SS18: variants seen among roughly 807,000 people sequenced by gnomAD.
The protein encoded by SS18 is SS18 subunit of BAF chromatin remodeling complex.
In SS18, 28 loss-of-function variants were observed where a neutral mutation model predicts 72.5. The observed-to-expected ratio is 0.39, with a 90% confidence interval of 0.29 to 0.53. SS18 has a LOEUF of 0.53. SS18 is among the 20% of genes least tolerant of loss of function. The pLI is 0.76. For missense variants in SS18, 518 were observed against 535.3 expected (o/e 0.97, Z 0.32); for synonymous variants, 172 against 164.2 (o/e 1.05, Z -0.37).
Position 26,087,440 on chromosome 18 carries a change from A to G in SS18, c.146+61T>C, listed in dbSNP as rs1200456615. The G allele has an allele frequency of 1.2e-5, 11 of 909,494 alleles. No homozygotes were observed. The East Asian group carries it at 2.2e-4, about 18-fold the overall frequency. The allele number at this position is 909,494 out of a possible 1,614,324, so 56.3% of individuals were successfully genotyped here. A position where few individuals can be genotyped will look rare whatever the true frequency, so the allele number is the denominator to read the frequency against. ...TATATCTCAATAAAGCTGTTAGTAA[A>G]AAGTAAAAAATTAACCAATACAAAA... On this transcript the variant is annotated intron_variant, in intron 2 of 10. Coordinates refer to ENST00000415083, the MANE Select transcript of SS18 (RefSeq NM_001007559.3).
At chr18:26,070,039 A>AC (rs1336865775) in intron 3 of SS18, among the ~76,000 whole-genome samples, 1 of 152,158 alleles carries the variant, frequency 6.6e-6, no homozygotes, top group Non-Finnish European at 1.5e-5. Flanking sequence ...TTGAAAAATG[A>AC]CCTATTGGGT....
At chr18:26,064,890 A>G (rs1437670233) in intron 3 of SS18, 1 of 152,120 alleles carries the variant, frequency 6.6e-6, no homozygotes, top group African/African-American at 2.4e-5. Context: ...AACCATTAGA[A>G]TAAGTGAATA....
intron 3 of SS18, among the ~76,000 whole-genome samples, chr18:26,067,851 A>G (rs568905654): frequency 3.9e-5 from 6 of 152,116 alleles, no homozygotes; most frequent in Non-Finnish European, 8.8e-5. Context: ...GTAGAAGGCA[A>G]TTTTTCCACT....
intron 4 of SS18, among the ~76,000 whole-genome samples, chr18:26,054,831 C>G (rs1417823456): frequency 1.3e-5 from 2 of 151,520 alleles, no homozygotes; most frequent in Non-Finnish European, 2.9e-5. Context: ...ACCTCCACTT[C>G]CCGGGTTCAA....
chr18:26,066,237 T>C (rs1433630827), intron 3 of SS18, among the ~76,000 whole-genome samples: 1 of 152,090 alleles, frequency 6.6e-6, no homozygotes, highest in Non-Finnish European at 1.5e-5. Flanking sequence ...CCCCCAATCA[T>C]CTAGTAGCAA....
At chr18:26,069,766 C>A (rs1364961218) in intron 3 of SS18, among the ~76,000 whole-genome samples, 1 of 152,072 alleles carries the variant, frequency 6.6e-6, no homozygotes, top group Admixed American at 6.6e-5. Context: ...AAGTTTTTCT[C>A]AAAGAAACAT....
chr18:26,054,009 G>A (rs190057350), intron 4 of SS18, among the ~76,000 whole-genome samples: 73 of 152,192 alleles, frequency 4.8e-4, no homozygotes, highest in African/African-American at 1.7e-3. Context: ...TTCAAAATCC[G>A]TAAATGCTCA....
chr18:26,060,603 T>C lies in SS18; in HGVS notation c.232-2861A>G, dbSNP rs2054101442. Among the ~76,000 whole-genome samples the C allele has an allele frequency of 2.0e-5, 3 of 150,172 alleles. No individual in the cohort carries two copies. In the South Asian group the frequency reaches 6.4e-4, roughly 32 times the overall value. On this transcript the variant is annotated intron_variant, in intron 3 of 10. Transcript: ENST00000415083. Reference sequence around the variant, plus strand: ...GACAACCAAGAGAAATAACAGAAAATTTAAAAAGACACCTAAGTCATTCAG... The same window carrying C: ...GACAACCAAGAGAAATAACAGAAAACTTAAAAAGACACCTAAGTCATTCAG...
chr18:26,060,799 A>AAAAAAAAT (rs2054108070), intron 3 of SS18, among the ~76,000 whole-genome samples: 1 of 135,748 alleles, frequency 7.4e-6, no homozygotes, highest in Non-Finnish European at 1.6e-5. Context: ...AAAAAAAAAA[A>AAAAAAAAT]AAAAAAATCA....
rs1350441572 is a variant in SS18 at position 26,035,612 on chromosome 18, A to G, written c.973+219T>C. 4 of 389,764 alleles carry G rather than the reference A, an allele frequency of 1.0e-5. No individual in the cohort carries two copies. The highest frequency in any genetic ancestry group is 1.8e-5 in the Non-Finnish European group (4 of 219,550). The allele number at this position is 389,764 out of a possible 1,614,324, so 24.1% of individuals were successfully genotyped here. ...AGGAAAAAATTATCTTTAATGTTTT[A>G]GTCTTTTTATTATTGTTAGAAATGG... On this transcript the variant is annotated intron_variant, in intron 8 of 10. Transcript: ENST00000415083. The surrounding 1 kb of genome is among the most constrained non-coding windows in gnomAD (Gnocchi z 4.4).
intron 2 of SS18, among the ~76,000 whole-genome samples, chr18:26,086,490 T>C (rs752776213): frequency 6.6e-6 from 1 of 152,234 alleles, no homozygotes; most frequent in Non-Finnish European, 1.5e-5. Flanking sequence ...TTGGAAATAA[T>C]AGGTTAAATA....
intron 3 of SS18, among the ~76,000 whole-genome samples, chr18:26,062,560 T>C (rs2054142585): frequency 6.6e-6 from 1 of 152,170 alleles, no homozygotes; most frequent in Non-Finnish European, 1.5e-5. Context: ...ATGTTCTACA[T>C]TAAATGTAAA....
At chr18:26,029,292 T>C (rs1045158482) in intron 10 of SS18, among the ~76,000 whole-genome samples, 5 of 152,194 alleles carry the variant, frequency 3.3e-5, no homozygotes, top group Admixed American at 6.5e-5. Context: ...GTATATCATA[T>C]GGCTTTTACT....
At chr18:26,042,031 C>T (rs996720004) in intron 5 of SS18, among the ~76,000 whole-genome samples, 17 of 152,004 alleles carry the variant, frequency 1.1e-4, no homozygotes, top group African/African-American at 3.9e-4. Context: ...TAATTTTCCT[C>T]GAAGCCTTAT....
intron 9 of SS18, 29 bp from the exon 10 acceptor site, chr18:26,032,561 A>T (rs969525809): frequency 6.2e-7 from 1 of 1,610,286 alleles, no homozygotes; most frequent in Non-Finnish European, 8.5e-7. Context: ...ACAAAAACCC[A>T]CATAAAAAGG....
chr18:26,019,985 AT>A (rs1186639664), intron 10 of SS18, among the ~76,000 whole-genome samples: 1 of 152,124 alleles, frequency 6.6e-6, no homozygotes, highest in Non-Finnish European at 1.5e-5. Context: ...CATTGGCAAA[AT>A]GTTGATAAAC....
At chr18:26,033,744 C>T (rs1004520888) in intron 9 of SS18, among the ~76,000 whole-genome samples, 3 of 151,844 alleles carry the variant, frequency 2.0e-5, no homozygotes, top group Non-Finnish European at 4.4e-5. Flanking sequence ...TATGGATAAA[C>T]AAAATAGAAA....
intron 2 of SS18, among the ~76,000 whole-genome samples, chr18:26,080,685 C>T (rs1465483252): frequency 6.6e-6 from 1 of 152,178 alleles, no homozygotes; most frequent in East Asian, 1.9e-4. Context: ...TTTAAACTTA[C>T]AGAAAAGTTT....
chr18:26,066,434 A>G (rs1025743035), intron 3 of SS18, among the ~76,000 whole-genome samples: 2 of 151,912 alleles, frequency 1.3e-5, no homozygotes, highest in African/African-American at 4.8e-5. Context: ...ATTTCCCTTC[A>G]CCCTCAAGCC....
Sources: gnomAD v4.1 joint callset for allele counts (sites outside exome capture counted in the v4.1 genomes callset) on GRCh38, gnomAD v4.1.1 for gene constraint, Gnocchi (gnomAD v3.1) non-coding constraint, MANE v1.5 for transcripts, NCBI Gene and HGNC (gene_info 2026-07-23, HGNC 2026-07-21) for gene names.